The following NLK variants were observed in gnomAD, a reference collection of about 807,000 sequenced individuals.
The protein encoded by NLK is serine/threonine-protein kinase NLK.
In NLK, 11 loss-of-function variants were observed where a neutral mutation model predicts 59.0. The observed-to-expected ratio is 0.19, with a 90% CI of 0.12 to 0.31. The LOEUF (loss-of-function observed/expected upper bound fraction) is 0.31. Among genes scored for constraint, NLK ranks in the 10% least tolerant of loss-of-function variants. NLK has a pLI of 1.00. For synonymous variants in NLK, 235 were observed against 235.9 expected, an observed-to-expected ratio of 1.00 and a Z score of 0.03; for missense variants, 410 against 661.1, an observed-to-expected ratio of 0.62 and a Z score of 4.16.
intron 1 of NLK, among the ~76,000 whole-genome samples, chr17:28,058,149 CTA>C (rs2142742931): frequency 6.6e-6 from 1 of 152,306 alleles, no homozygotes; most frequent in South Asian, 2.1e-4. Context: ...GAGTGCAAAT[CTA>C]AATGGCTTGT....
intron 1 of NLK, among the ~76,000 whole-genome samples, chr17:28,067,842 A>G (rs1909884750): frequency 6.7e-6 from 1 of 148,916 alleles, no homozygotes; most frequent in South Asian, 2.1e-4. Context: ...CTTAAAATAT[A>G]TATATATATA....
At chr17:28,111,028 T>A (rs962233317) in intron 1 of NLK, among the ~76,000 whole-genome samples, 3 of 151,882 alleles carry the variant, frequency 2.0e-5, no homozygotes, top group African/African-American at 7.3e-5. Context: ...GTATTTTTAG[T>A]AGAGACGGGG....
chr17:28,123,808 A>G (rs1158264507), intron 2 of NLK, among the ~76,000 whole-genome samples: 2 of 152,214 alleles, frequency 1.3e-5, no homozygotes, highest in Admixed American at 1.3e-4. Context: ...TGATACATGT[A>G]AAATTTACCT....
intron 1 of NLK, among the ~76,000 whole-genome samples, chr17:28,080,727 A>T (rs1213342436): frequency 6.6e-6 from 1 of 152,230 alleles, no homozygotes; most frequent in Non-Finnish European, 1.5e-5. Context: ...GTGCATAATC[A>T]TGTCAAATAT....
At chr17:28,137,827 G>T (rs1273236291) in intron 3 of NLK, among the ~76,000 whole-genome samples, 2 of 152,076 alleles carry the variant, frequency 1.3e-5, no homozygotes, top group Non-Finnish European at 2.9e-5. Context: ...CAGATGTAGG[G>T]CAAGTCAGAT....
chr17:28,121,038 T>C (rs1906024227), intron 1 of NLK, among the ~76,000 whole-genome samples: 1 of 152,196 alleles, frequency 6.6e-6, no homozygotes, highest in African/African-American at 2.4e-5. Context: ...TAAACTTTAA[T>C]TAATAACTTA....
intron 1 of NLK, among the ~76,000 whole-genome samples, chr17:28,050,451 C>T (rs925689637): frequency 6.6e-6 from 1 of 152,086 alleles, no homozygotes; most frequent in Non-Finnish European, 1.5e-5. Flanking sequence ...AGCACATAAA[C>T]AGTTAAATAG....
intron 4 of NLK, 151 bp from the exon 5 acceptor site, chr17:28,163,392 T>G (rs1908094014): frequency 5.3e-6 from 3 of 561,132 alleles, no homozygotes; most frequent in Non-Finnish European, 9.5e-6. Context: ...TACGGTATTT[T>G]GAGGTGGGAC....
chr17:28,139,811 A>G (rs973929217), intron 3 of NLK, among the ~76,000 whole-genome samples: 1 of 152,182 alleles, frequency 6.6e-6, no homozygotes, highest in African/African-American at 2.4e-5. Context: ...AGTGCTCTCA[A>G]CCCACCATGC....
chr17:28,083,303 A>G (rs1311544685), intron 1 of NLK, among the ~76,000 whole-genome samples: 2 of 152,206 alleles, frequency 1.3e-5, no homozygotes, highest in Admixed American at 1.3e-4. Flanking sequence ...AACATGTATC[A>G]TCCTTCTTTG....
intron 1 of NLK, among the ~76,000 whole-genome samples, chr17:28,078,327 A>G (rs1910235948): frequency 6.6e-6 from 1 of 152,166 alleles, no homozygotes; most frequent in African/African-American, 2.4e-5. Context: ...TATATGATAA[A>G]TTAGATCTTT....
chr17:28,087,711 T>A (rs968883326), intron 1 of NLK, among the ~76,000 whole-genome samples: 1 of 152,214 alleles, frequency 6.6e-6, no homozygotes, highest in African/African-American at 2.4e-5. Context: ...TTTTATTTAT[T>A]TTCTGTTCAA....
intron 1 of NLK, among the ~76,000 whole-genome samples, chr17:28,060,832 T>C (rs1388373212): frequency 6.6e-6 from 1 of 152,186 alleles, no homozygotes; most frequent in Non-Finnish European, 1.5e-5. Context: ...GGAGTCTTGA[T>C]TGGAGAGCAG....
At chr17:28,096,248 G>C (rs1767090046) in intron 1 of NLK, among the ~76,000 whole-genome samples, 2 of 152,030 alleles carry the variant, frequency 1.3e-5, no homozygotes, top group Admixed American at 1.3e-4. Context: ...TTTTTGAAGA[G>C]GATGACAAAA....
At chr17:28,202,714 G>A in the NLK span, among the ~76,000 whole-genome samples, 8 of 143,682 alleles carry the variant, frequency 5.6e-5, no homozygotes, top group East Asian at 2.0e-4. Context: ...AGACAGGCGC[G>A]CACTGTCACC....
chr17:28,177,831 C>T (rs1391620835), intron 7 of NLK, among the ~76,000 whole-genome samples: 1 of 152,222 alleles, frequency 6.6e-6, no homozygotes, highest in Admixed American at 6.5e-5. Flanking sequence ...GAGTAGCTTA[C>T]TTGTGTCAAG....
the NLK span, among the ~76,000 whole-genome samples, chr17:28,203,166 C>A: frequency 5.4e-5 from 6 of 110,484 alleles, no homozygotes; most frequent in Non-Finnish European, 8.8e-5. Context: ...TACATACATA[C>A]ACACACACAC....
chr17:28,193,988 A>G (rs557702966), intron 10 of NLK, among the ~76,000 whole-genome samples: 166 of 152,316 alleles, frequency 1.1e-3, no homozygotes, highest in Admixed American at 3.4e-3. Flanking sequence ...CTAATTAGCA[A>G]TCTTAGACAT....
At chr17:28,144,349 A>T (rs1165658951) in intron 3 of NLK, among the ~76,000 whole-genome samples, 1 of 151,726 alleles carries the variant, frequency 6.6e-6, no homozygotes, top group Non-Finnish European at 1.5e-5. Flanking sequence ...TAGTTGGAAC[A>T]ACTTATTCAC....
Sources: allele counts gnomAD v4.1 joint callset (sites outside exome capture counted in the v4.1 genomes callset), GRCh38; gene constraint gnomAD v4.1.1; transcripts MANE v1.5; gene names NCBI Gene and HGNC (gene_info 2026-07-23, HGNC 2026-07-21).